RAD51B: variants seen among roughly 807,000 people sequenced by gnomAD.
RAD51B encodes DNA repair protein RAD51 homolog 2.
Under a neutral mutation model 42.2 loss-of-function variants are expected in RAD51B, and 38 were observed. That is an observed-to-expected ratio of 0.90 (90% CI 0.70 to 1.18). RAD51B has a LOEUF of 1.18. Among genes scored for constraint, RAD51B ranks in the 50% most tolerant of loss-of-function variants. The probability of loss-of-function intolerance (pLI) is 0.00; values close to 1 mark genes in which losing one functional copy is unlikely to be tolerated. For missense variants in RAD51B, 373 were observed against 400.7 expected (o/e 0.93, Z 0.59); for synonymous variants, 154 against 145.2 (o/e 1.06, Z -0.43).
chr14:68,677,018 G>A (rs1893320116), intron 11 of RAD51B, among the ~76,000 whole-genome samples: 3 of 152,202 alleles, frequency 2.0e-5, no homozygotes. Flanking sequence ...TTCATCATGA[G>A]GGGCTTGTGA....
chr14:68,573,277 C>T (rs527783255), intron 10 of RAD51B, among the ~76,000 whole-genome samples: 3 of 152,256 alleles, frequency 2.0e-5, no homozygotes, highest in Admixed American at 6.5e-5. Flanking sequence ...TCCTTCTCTA[C>T]CCCACCTCCT....
intron 7 of RAD51B, among the ~76,000 whole-genome samples, chr14:68,126,204 C>A (rs944101593): frequency 1.8e-4 from 27 of 152,074 alleles, no homozygotes; most frequent in Admixed American, 1.7e-3. Context: ...AAAAATCATT[C>A]TTTTATCAGC....
At chr14:68,353,057 T>G (rs894062768) in intron 8 of RAD51B, among the ~76,000 whole-genome samples, 3 of 152,200 alleles carry the variant, frequency 2.0e-5, no homozygotes, top group Admixed American at 2.0e-4. Context: ...ATTTTTATTA[T>G]TAGCAATGTC....
intron 10 of RAD51B, among the ~76,000 whole-genome samples, chr14:68,636,668 C>G (rs542122529): frequency 6.6e-6 from 1 of 151,644 alleles, no homozygotes; most frequent in East Asian, 1.9e-4. Flanking sequence ...AGTTTGTGTT[C>G]GGAGGTTTGT....
chr14:67,841,374 C>T (rs1272132878), intron 4 of RAD51B, among the ~76,000 whole-genome samples: 7 of 152,114 alleles, frequency 4.6e-5, no homozygotes, highest in East Asian at 3.9e-4. Context: ...TTCTGTAGGG[C>T]GTCCATTTAT....
chr14:67,965,259 C>T (rs2074747837), intron 7 of RAD51B, among the ~76,000 whole-genome samples: 1 of 152,164 alleles, frequency 6.6e-6, no homozygotes, highest in African/African-American at 2.4e-5. Context: ...CTTTATGTTC[C>T]CTTGGTCTTC....
chr14:68,289,047 A>G (rs1167853690), intron 7 of RAD51B, among the ~76,000 whole-genome samples: 1 of 152,238 alleles, frequency 6.6e-6, no homozygotes, highest in Non-Finnish European at 1.5e-5. Flanking sequence ...GCAATTAAAT[A>G]AAACTTAGGA....
At chr14:68,094,163 C>A (rs2077152072) in intron 7 of RAD51B, among the ~76,000 whole-genome samples, 1 of 152,180 alleles carries the variant, frequency 6.6e-6, no homozygotes, top group Non-Finnish European at 1.5e-5. Flanking sequence ...TTTAAGATTT[C>A]ATGTTGATGT....
chr14:68,294,160 C>G (rs2081569028), intron 8 of RAD51B, among the ~76,000 whole-genome samples: 1 of 152,108 alleles, frequency 6.6e-6, no homozygotes, highest in Non-Finnish European at 1.5e-5. Context: ...AAGAGCAAAA[C>G]ACATAGAAAA....
intron 7 of RAD51B, among the ~76,000 whole-genome samples, chr14:68,253,642 G>C (rs776307574): frequency 7.2e-5 from 11 of 152,056 alleles, no homozygotes; most frequent in Non-Finnish European, 1.2e-4. Flanking sequence ...CACATAAAAT[G>C]GTAGCTAATA....
chr14:68,563,275 G>A (rs1889244815), intron 10 of RAD51B: 1 of 985,280 alleles, frequency 1.0e-6, no homozygotes, highest in African/African-American at 1.7e-5. Context: ...CATCCAGAAT[G>A]GGCCAAGCCG....
chr14:68,562,778 A>G (rs1438658303), intron 10 of RAD51B: 2 of 985,298 alleles, frequency 2.0e-6, no homozygotes, highest in African/African-American at 3.5e-5. Context: ...ATGCCATGCT[A>G]GATACCCATC....
intron 10 of RAD51B, among the ~76,000 whole-genome samples, chr14:68,567,693 C>T (rs1889491903): frequency 6.6e-6 from 1 of 152,240 alleles, no homozygotes; most frequent in Non-Finnish European, 1.5e-5. Context: ...ACGGACAATG[C>T]AAGTTCTACC....
intron 7 of RAD51B, among the ~76,000 whole-genome samples, chr14:68,048,934 A>C (rs1253561609): frequency 1.3e-5 from 2 of 152,234 alleles, no homozygotes; most frequent in Non-Finnish European, 2.9e-5. Context: ...TACTATTCAC[A>C]ATAGCAAAGA....
At chr14:68,057,875 G>C (rs1470446343) in intron 7 of RAD51B, among the ~76,000 whole-genome samples, 3 of 146,608 alleles carry the variant, frequency 2.0e-5, no homozygotes, top group African/African-American at 7.7e-5. Context: ...GGCTTTTATT[G>C]ATGTATATAA....
At chr14:68,124,346 C>G (rs2077712029) in intron 7 of RAD51B, among the ~76,000 whole-genome samples, 1 of 152,106 alleles carries the variant, frequency 6.6e-6, no homozygotes, top group Non-Finnish European at 1.5e-5. Context: ...AGTATTGGTA[C>G]CTGTCTTATT....
intron 7 of RAD51B, among the ~76,000 whole-genome samples, chr14:68,137,961 A>T (rs944675552): frequency 7.9e-5 from 12 of 152,210 alleles, no homozygotes; most frequent in African/African-American, 2.7e-4. Flanking sequence ...GATTCTCTGT[A>T]GCAAGCTCTC....
intron 7 of RAD51B, among the ~76,000 whole-genome samples, chr14:67,928,507 A>G (rs1287420310): frequency 1.3e-5 from 2 of 152,088 alleles, no homozygotes; most frequent in Non-Finnish European, 2.9e-5. Flanking sequence ...TGTGTCATTC[A>G]TGTGGCCCGT....
intron 10 of RAD51B, among the ~76,000 whole-genome samples, chr14:68,513,531 C>G (rs778612350): frequency 6.6e-6 from 1 of 152,214 alleles, no homozygotes; most frequent in African/African-American, 2.4e-5. Flanking sequence ...CAGACACATT[C>G]GGAAGAAGCA....
Sources: gnomAD v4.1 joint callset for allele counts (sites outside exome capture counted in the v4.1 genomes callset) on GRCh38, gnomAD v4.1.1 for gene constraint, MANE v1.5 for transcripts, NCBI Gene and HGNC (gene_info 2026-07-23, HGNC 2026-07-21) for gene names.